Variants in PLEKHH2 observed in about 807,000 individuals in gnomAD.
PLEKHH2 encodes the protein pleckstrin homology, MyTH4 and FERM domain containing H2, also known as pleckstrin homology domain-containing family H member 2.
PLEKHH2 carries 129 observed loss-of-function variants against 187.9 expected under a neutral mutation model. That is an observed-to-expected ratio of 0.69 (90% CI 0.59 to 0.79). The LOEUF is 0.79. Among genes scored for constraint, PLEKHH2 ranks in the 30% least tolerant of loss-of-function variants. The probability of loss-of-function intolerance (pLI) is 0.00; values close to 1 mark genes in which losing one functional copy is unlikely to be tolerated. For missense variants in PLEKHH2, 2,076 were observed against 1,751.2 expected (o/e 1.19, Z -3.31); for synonymous variants, 686 against 605.6 (o/e 1.13, Z -1.95).
chr2:43,701,449 G>A (rs1025126647), intron 8 of PLEKHH2, among the ~76,000 whole-genome samples: 1 of 152,192 alleles, frequency 6.6e-6, no homozygotes, highest in Non-Finnish European at 1.5e-5. Flanking sequence ...CCTCCATGTG[G>A]AAGGAAACAT....
chr2:43,706,964 G>A (rs372936214), intron 10 of PLEKHH2, among the ~76,000 whole-genome samples: 9 of 152,196 alleles, frequency 5.9e-5, no homozygotes, highest in Admixed American at 3.9e-4. Flanking sequence ...TTGGGAGGCC[G>A]AGGCGGGCGG....
At chr2:43,744,138 A>G in intron 23 of PLEKHH2, 149 bp downstream of exon 23, 2 of 1,404,476 alleles carry the variant, frequency 1.4e-6, no homozygotes, top group Non-Finnish European at 1.9e-6. Context: ...AAAAAAATGC[A>G]GGACTTTGTT....
At chr2:43,683,237 C>A (rs555499410) in intron 3 of PLEKHH2, among the ~76,000 whole-genome samples, 5 of 150,664 alleles carry the variant, frequency 3.3e-5, no homozygotes, top group African/African-American at 1.2e-4. Flanking sequence ...CCTCCGCCTC[C>A]CACGTTCAAG....
At chr2:43,654,710 C>CG (rs993174039) in intron 2 of PLEKHH2, among the ~76,000 whole-genome samples, 2 of 131,892 alleles carry the variant, frequency 1.5e-5, no homozygotes, top group East Asian at 2.5e-4. Flanking sequence ...AGACACCCCC[C>CG]CCCCCCGCAT....
At chr2:43,738,130 T>G (rs1294483821) in intron 19 of PLEKHH2, among the ~76,000 whole-genome samples, 1 of 152,202 alleles carries the variant, frequency 6.6e-6, no homozygotes, top group Non-Finnish European at 1.5e-5. Context: ...AAAATGACCC[T>G]CTTTATCTCT....
At chr2:43,638,025 T>TG (rs1404177932) in intron 1 of PLEKHH2, among the ~76,000 whole-genome samples, 1 of 152,140 alleles carries the variant, frequency 6.6e-6, no homozygotes, top group Non-Finnish European at 1.5e-5. Flanking sequence ...AAAGCTCTGG[T>TG]GGTGGGCTAC....
At chr2:43,723,095 G>A (rs1402928956) in intron 16 of PLEKHH2, among the ~76,000 whole-genome samples, 1 of 152,050 alleles carries the variant, frequency 6.6e-6, no homozygotes, top group Admixed American at 6.6e-5. Context: ...ATATTAGGGT[G>A]GATGAAACCT....
At chr2:43,644,634 CT>C (rs1449806622) in intron 1 of PLEKHH2, 36 bp from the exon 2 acceptor site, 6 of 1,438,544 alleles carry the variant, frequency 4.2e-6, no homozygotes, top group African/African-American at 1.4e-5. Context: ...GAATGTTTTA[CT>C]TTTTAATTTT....
At chr2:43,734,198 A>G (rs1334352203) in intron 19 of PLEKHH2, among the ~76,000 whole-genome samples, 2 of 152,188 alleles carry the variant, frequency 1.3e-5, no homozygotes, top group Non-Finnish European at 2.9e-5. Flanking sequence ...ACACATGGCC[A>G]ATTTTGTTTT....
At chr2:43,721,014 A>G (rs1036150) in intron 16 of PLEKHH2, among the ~76,000 whole-genome samples, 31,533 of 152,018 alleles carry the variant, frequency 0.21, 4,368 homozygotes, top group African/African-American at 0.39. Context: ...TTCCCTCCCC[A>G]CAACCATCAG....
At chr2:43,707,287 C>T in intron 10 of PLEKHH2, 114 bp from the exon 11 acceptor site, 1 of 1,136,626 alleles carries the variant, frequency 8.8e-7, no homozygotes, top group African/African-American at 1.6e-5. Context: ...GGGATGGATA[C>T]AGGGAGGTTG....
chr2:43,651,838 T>C (rs1403153977), intron 2 of PLEKHH2, among the ~76,000 whole-genome samples: 1 of 152,218 alleles, frequency 6.6e-6, no homozygotes. Context: ...AAACACTAAT[T>C]TGAATTTTTA....
At chr2:43,675,912 C>G in intron 2 of PLEKHH2, 1 of 1,614,044 alleles carries the variant, frequency 6.2e-7, no homozygotes, top group Middle Eastern at 1.6e-4. Context: ...CAAGGAAGAA[C>G]CAGTTGTAGT....
At chr2:43,709,633 C>G (rs146033783) in intron 11 of PLEKHH2, among the ~76,000 whole-genome samples, 2,687 of 152,218 alleles carry the variant, frequency 0.018, 27 homozygotes, top group Non-Finnish European at 0.024. Context: ...GTCAAGAGAT[C>G]GAGACCATCC....
intron 7 of PLEKHH2, 63 bp from the exon 8 acceptor site, chr2:43,699,584 C>G (rs1302217458): frequency 4.6e-6 from 7 of 1,533,228 alleles, no homozygotes; most frequent in Non-Finnish European, 6.2e-6. Flanking sequence ...CTACATAAAG[C>G]TAAATGTACA....
At chr2:43,700,750 T>C in intron 8 of PLEKHH2, 142 bp downstream of exon 8, 1 of 1,088,626 alleles carries the variant, frequency 9.2e-7, no homozygotes, top group Non-Finnish European at 1.3e-6. Flanking sequence ...TCTCCCGGGT[T>C]CAAGTGATTC....
In PLEKHH2 at chr2:43,737,630, A is replaced by C. The variant is rs146270147; in HGVS notation, c.2944-711A>C. Among the ~76,000 whole-genome samples the C allele has an allele frequency of 5.6e-3, 853 of 152,344 alleles. 17 individuals are homozygous for C. Among genetic ancestry groups the C allele is most frequent in the African/African-American group, 0.019 (805 of 41,588 alleles). On this transcript the variant is annotated intron_variant, in intron 19 of 29. Coordinates refer to ENST00000282406, the MANE Select transcript of PLEKHH2 (RefSeq NM_172069.4). ...TCTCTCACGTGGCTGTTGGCAAAGAAGCCTCAGTACCTCACTACATGGGCC... is the reference window on the plus strand; with the variant it reads ...TCTCTCACGTGGCTGTTGGCAAAGACGCCTCAGTACCTCACTACATGGGCC...
At chr2:43,709,060 G>C (rs543962132) in intron 11 of PLEKHH2, among the ~76,000 whole-genome samples, 4 of 152,144 alleles carry the variant, frequency 2.6e-5, no homozygotes, top group Non-Finnish European at 4.4e-5. Flanking sequence ...TCCAATTGTA[G>C]TGACTCATGA....
chr2:43,703,917 T>C (rs1669513143), intron 8 of PLEKHH2, 64 bp from the exon 9 acceptor site: 1 of 38,078 alleles, frequency 2.6e-5, no homozygotes, highest in South Asian at 4.4e-4. Flanking sequence ...GAAAGTAGTC[T>C]TTTTTTTTTT....
Sources: gnomAD v4.1 joint callset for allele counts (sites outside exome capture counted in the v4.1 genomes callset) on GRCh38, gnomAD v4.1.1 for gene constraint, MANE v1.5 for transcripts, NCBI Gene and HGNC (gene_info 2026-07-23, HGNC 2026-07-21) for gene names.